Variants in TARS1 observed in about 807,000 individuals in gnomAD.
TARS1 encodes threonine--tRNA ligase 1, cytoplasmic.
In TARS1, 57 loss-of-function variants were observed where a neutral mutation model predicts 97.7. The observed-to-expected ratio is 0.58, with a 90% CI of 0.47 to 0.73. TARS1 has a LOEUF of 0.73. Among genes scored for constraint, TARS1 ranks in the 30% least tolerant of loss-of-function variants. TARS1 has a pLI of 0.00. For missense variants in TARS1, 806 were observed against 888.3 expected (o/e 0.91, Z 1.18); for synonymous variants, 312 against 293.7 (o/e 1.06, Z -0.64).
intron 3 of TARS1, among the ~76,000 whole-genome samples, chr5:33,452,959 TAAAA>T (rs79630452): frequency 7.0e-6 from 1 of 142,750 alleles, no homozygotes; most frequent in Admixed American, 7.0e-5. Flanking sequence ...GCTAAAAAAT[TAAAA>T]AAAAAAAAAC....
In TARS1 at chr5:33,461,004, A is replaced by G; in HGVS notation, c.1353A>G (p.Gly451=). ...ACGAGCTGTCTGGAGCACTCACAGG[A>G]CTCACCCGGGTACGAAGATTCCAAC... ...HRNELSGALT[G]LTRVRRFQQD... The change falls in exon 12 of 19, where the codon GGA becomes GGG. Residue 451 remains glycine, a synonymous_variant. Coordinates refer to ENST00000265112, the MANE Select transcript of TARS1 (RefSeq NM_152295.5). The G allele has an allele frequency of 6.2e-7, 1 of 1,614,000 alleles. No individual in the cohort carries two copies. The highest frequency in any genetic ancestry group is 1.3e-5 in the African/African-American group (1 of 74,944).
At chr5:33,446,460 G>T (rs766211925) in intron 2 of TARS1, 3 of 342,228 alleles carry the variant, frequency 8.8e-6, no homozygotes, top group South Asian at 2.3e-5. Flanking sequence ...CTTGAGAAAT[G>T]ACCTGGAAAT....
intron 8 of TARS1, among the ~76,000 whole-genome samples, chr5:33,456,984 G>T (rs1013628427): frequency 6.6e-6 from 1 of 152,114 alleles, no homozygotes; most frequent in Non-Finnish European, 1.5e-5. Context: ...TTTAAATAAA[G>T]AATGGGGTCT....
chr5:33,442,378 A>G (rs1037871087), intron 1 of TARS1, among the ~76,000 whole-genome samples: 3 of 133,872 alleles, frequency 2.2e-5, no homozygotes, highest in Admixed American at 1.8e-4. Context: ...TTCCATGTCC[A>G]TAAATATTCT....
rs1439633552 is a variant in TARS1 at position 33,467,022 on chromosome 5, C to T, written c.2023+37C>T. ...AACTTACCAAAGAAAATTTGCCACA[C>T]CTCAGGAAAATCTACTGAAACCTTG... is the stretch of plus-strand genomic sequence containing the variant. On this transcript the variant is annotated intron_variant, in intron 18 of 18. Transcript: ENST00000265112. The T allele has an allele frequency of 5.2e-6, 7 of 1,355,754 alleles. No individual in the cohort carries two copies. The East Asian group carries it at 1.8e-4, about 35-fold the overall frequency. The allele number at this position is 1,355,754 out of a possible 1,614,324, so 84.0% of individuals were successfully genotyped here. A position where few individuals can be genotyped will look rare whatever the true frequency, so the allele number is the denominator to read the frequency against.
At chr5:33,465,456 C>G (rs1167560059) in intron 17 of TARS1, among the ~76,000 whole-genome samples, 1 of 152,200 alleles carries the variant, frequency 6.6e-6, no homozygotes, top group African/African-American at 2.4e-5. Context: ...TATCAGGCCA[C>G]TTCCCCAACT....
chr5:33,442,580 G>A (rs1392875289), intron 1 of TARS1, among the ~76,000 whole-genome samples: 1 of 152,030 alleles, frequency 6.6e-6, no homozygotes, highest in African/African-American at 2.4e-5. Context: ...CTGTCACTCA[G>A]GCTGGAGTGC....
intron 1 of TARS1, 96 bp downstream of exon 1, chr5:33,441,239 C>G (rs1164838680): frequency 6.8e-7 from 1 of 1,472,144 alleles, no homozygotes; most frequent in East Asian, 2.3e-5. Flanking sequence ...AAGCAGGAAG[C>G]GGCCGGGACC....
Position 33,467,876 on chromosome 5 carries a change from C to T in TARS1, c.*168C>T, listed in dbSNP as rs1742620173. The T allele has an allele frequency of 1.6e-6, 1 of 612,636 alleles. No homozygotes were observed. Among genetic ancestry groups the T allele is most frequent in the South Asian group, 2.7e-5 (1 of 36,604 alleles). 38.0% of individuals were successfully genotyped at this position (612,636 alleles called of 1,614,324 possible). ...ATTTTTGACCTAGTCAGTTTTTAAA[C>T]AATGTGCATTTGAAGGAGTTAATTA... is the stretch of plus-strand genomic sequence containing the variant. On this transcript the variant is annotated 3_prime_UTR_variant, in exon 19 of 19. Coordinates refer to ENST00000265112, the MANE Select transcript of TARS1 (RefSeq NM_152295.5).
intron 6 of TARS1, 21 bp downstream of exon 6, chr5:33,455,725 T>C: frequency 6.8e-7 from 1 of 1,477,612 alleles, no homozygotes; most frequent in East Asian, 2.3e-5. Context: ...CCATAGTGCG[T>C]GGCCCCCACT....
chr5:33,451,473 G>A (rs12517884), intron 3 of TARS1, among the ~76,000 whole-genome samples: 43,725 of 150,616 alleles, frequency 0.29, 7,757 homozygotes, highest in African/African-American at 0.51. Flanking sequence ...TTCCTGGGTT[G>A]ACGCCATTCT....
At chr5:33,462,067 A>C (rs771349339) in intron 15 of TARS1, 32 bp from the exon 16 acceptor site, 12 of 1,602,798 alleles carry the variant, frequency 7.5e-6, no homozygotes, top group Middle Eastern at 3.4e-4. Context: ...AATATATATA[A>C]TAAGACAAAA....
chr5:33,447,565 A>T (rs1741481178), intron 2 of TARS1, among the ~76,000 whole-genome samples: 1 of 152,170 alleles, frequency 6.6e-6, no homozygotes, highest in Non-Finnish European at 1.5e-5. Flanking sequence ...TTTCTTAAGG[A>T]TTAGATATTC....
At chr5:33,452,050 TG>T (rs1741768825) in intron 3 of TARS1, among the ~76,000 whole-genome samples, 1 of 152,232 alleles carries the variant, frequency 6.6e-6, no homozygotes, top group Non-Finnish European at 1.5e-5. Context: ...GAAAGGAGTT[TG>T]TTGTTTACTT....
At chr5:33,460,412 A>G (rs540966123) in intron 11 of TARS1, among the ~76,000 whole-genome samples, 2 of 152,370 alleles carry the variant, frequency 1.3e-5, no homozygotes, top group Non-Finnish European at 2.9e-5. Context: ...CTGTTCTGTC[A>G]AAACCTGCTA....
chr5:33,460,488 T>C (rs1304274810), intron 11 of TARS1, among the ~76,000 whole-genome samples: 1 of 152,194 alleles, frequency 6.6e-6, no homozygotes, highest in African/African-American at 2.4e-5. Context: ...CTTTGAAAGT[T>C]GGGTGAAGAA....
chr5:33,458,180 T>G (rs1435954329), intron 9 of TARS1, among the ~76,000 whole-genome samples: 1 of 152,152 alleles, frequency 6.6e-6, no homozygotes, highest in Non-Finnish European at 1.5e-5. Flanking sequence ...CCTGATACTC[T>G]TACTAAGAAA....
chr5:33,454,844 A>T, intron 4 of TARS1, 101 bp from the exon 5 acceptor site: 1 of 1,409,252 alleles, frequency 7.1e-7, no homozygotes, highest in South Asian at 1.5e-5. Flanking sequence ...TATTGGGTTT[A>T]CTTGTAGTAA....
chr5:33,461,981 A>G lies in TARS1; in HGVS notation c.1705A>G (p.Ile569Val). Residue 569 changes from isoleucine to valine, a missense_variant, in exon 15 of 19, where the codon ATC becomes GTC. Ile to Val is a conservative substitution (Grantham distance 29). Around this residue, in one of 3 missense-constraint regions of TARS1, gnomAD observed 446 missense variants for 511.0 expected, o/e 0.87. Coordinates refer to ENST00000265112, the MANE Select transcript of TARS1 (RefSeq NM_152295.5). ...CATCCAGCTGGATTTCCAGTTGCCCATCAGATTTAATCTTACTTATGTAAG... is the reference window on the plus strand; with the variant it reads ...CATCCAGCTGGATTTCCAGTTGCCCGTCAGATTTAATCTTACTTATGTAAG... ...ATIQLDFQLP[I>V]RFNLTYVSHD... 6.2e-7 allele frequency: 1 copy of G among 1,614,048 alleles called. No homozygotes were observed. The highest frequency in any genetic ancestry group is 8.5e-7 in the Non-Finnish European group (1 of 1,179,912).
Sources: allele counts gnomAD v4.1 joint callset (sites outside exome capture counted in the v4.1 genomes callset), GRCh38; gene constraint gnomAD v4.1.1; regional missense constraint gnomAD v4.1.1; transcripts MANE v1.5; gene names NCBI Gene and HGNC (gene_info 2026-07-23, HGNC 2026-07-21).